The following PRSS33 variants were observed in gnomAD, a reference collection of about 807,000 sequenced individuals.
PRSS33 encodes the protein serine protease 33, also known as protease, serine 33.
A neutral mutation model predicts 26.7 loss-of-function variants in PRSS33; 32 were observed. The ratio of observed to expected loss-of-function variants is 1.20; its 90% CI spans 0.90 to 1.61. PRSS33 has a LOEUF of 1.61. Ranked by LOEUF, PRSS33 falls within the 40% of genes most tolerant of loss-of-function variation. The probability of loss-of-function intolerance (pLI) is 0.00; values close to 1 mark genes in which losing one functional copy is unlikely to be tolerated. For missense variants in PRSS33, 450 were observed against 396.3 expected (o/e 1.14, Z -1.15); for synonymous variants, 192 against 177.6 (o/e 1.08, Z -0.64).
At position 2,785,088 on chromosome 16, in the gene PRSS33, C is replaced by T. The variant is rs369289564; in HGVS notation, c.598G>A (p.Gly200Ser). 4.7e-5 allele frequency: 73 copies of T among 1,560,700 alleles called. No individual in the cohort carries two copies. Among genetic ancestry groups the T allele is most frequent in the African/African-American group, 8.1e-5 (6 of 73,910 alleles). ...SRTCDGLYHV[G>S]ADVPQAERIV... ...CGCTCAGCCTGGGGCACGTCCGCGCCCACGTGGTAGAGGCCGTCGCAGGTG... is the reference window on the plus strand; with the variant it reads ...CGCTCAGCCTGGGGCACGTCCGCGCTCACGTGGTAGAGGCCGTCGCAGGTG... The change falls in exon 6 of 7, where the codon GGC becomes AGC. Residue 200 changes from glycine to serine, a missense_variant. Gly to Ser is a moderately conservative substitution (Grantham distance 56). Coordinates refer to ENST00000682474, the MANE Select transcript of PRSS33 (RefSeq NM_152891.3).
Position 2,785,598 on chromosome 16 carries a change from C to T in PRSS33, c.291G>A (p.Leu97=). 5.9e-6 allele frequency: 9 copies of T among 1,517,376 alleles called. No individual in the cohort carries two copies. Among genetic ancestry groups the T allele is most frequent in the Non-Finnish European group, 7.9e-6 (9 of 1,139,770 alleles). 94.0% of individuals were successfully genotyped at this position (1,517,376 alleles called of 1,614,324 possible). ...AGAGCGTGCGGGGCGAGGTGGAGCC[C>T]AGACGCAGCGCCCCCAGGCGCACGC... ...EYRVRLGALR[L]GSTSPRTLSV... Residue 97 remains leucine (L), a synonymous_variant, in exon 5 of 7, where the codon CTG becomes CTA. Transcript: ENST00000682474.
At position 2,784,405 on chromosome 16, in the gene PRSS33, A is replaced by C; in HGVS notation, c.*239T>G. ...AATACAAGCCAGGAAGGGAGTGGGG[A>C]GTGTGACTCCCTGGGACTCATGGCA... On this transcript the variant is annotated 3_prime_UTR_variant, in exon 7 of 7. Coordinates refer to ENST00000682474, the MANE Select transcript of PRSS33 (RefSeq NM_152891.3). The C allele has an allele frequency of 2.3e-5, 9 of 395,976 alleles. No homozygotes were observed. Among genetic ancestry groups the C allele is most frequent in the African/African-American group, 6.4e-5 (3 of 46,902 alleles). The allele number at this position is 395,976 out of a possible 1,614,324, so 24.5% of individuals were successfully genotyped here.
rs750042020 is a variant in PRSS33, at chr16:2,784,657, C to G, written c.830G>C (p.Arg277Pro). 1 of 1,597,078 alleles carries G rather than the reference C, an allele frequency of 6.3e-7. No individual in the cohort carries two copies. The highest frequency in any genetic ancestry group is 8.5e-7 in the Non-Finnish European group (1 of 1,171,552). Residue 277 changes from arginine to proline, a missense_variant, in exon 7 of 7, where the codon CGC becomes CCC. Arg to Pro is a moderately radical substitution (Grantham distance 103). Transcript: ENST00000682474. ...VATYSPWIQA[R>P]VSF ...CACCGGCTAGCATTAGAAGCTGACG[C>G]GAGCCTGAATCCAGGGGCTATATGT...
intron 1 of PRSS33, chr16:2,786,816 G>A (rs1395932859): frequency 2.0e-5 from 8 of 390,558 alleles, no homozygotes; most frequent in Admixed American, 1.3e-4. Flanking sequence ...CCTTGGTCTC[G>A]ACAGAAGCCC....
chr16:2,784,720 G>A lies in PRSS33; in HGVS notation c.767C>T (p.Ala256Val). 6.2e-7 allele frequency: 1 copy of A among 1,607,006 alleles called. No individual in the cohort carries two copies. The highest frequency in any genetic ancestry group is 1.1e-5 in the South Asian group (1 of 89,712). Reference protein sequence around the residue: ...VGVVSWGKGCALPNRPGVYTS... With the variant: ...VGVVSWGKGCVLPNRPGVYTS... The stretch of plus-strand genomic sequence containing the variant: ...GTAGACCCCTGGACGGTTGGGCAGG[G>A]CACAACCCTTGCCCCAGCTCACCAC... The change falls in exon 7 of 7, where the codon GCC (alanine) becomes GTC (valine). Residue 256 changes from alanine to valine, a missense_variant. Transcript: ENST00000682474.
Position 2,786,485 on chromosome 16 carries a change from T to G in PRSS33, c.46+17A>C. On this transcript the variant is annotated intron_variant, in intron 2 of 6. Coordinates refer to ENST00000682474, the MANE Select transcript of PRSS33 (RefSeq NM_152891.3). ...AGGTGTCTGCGGCCCTCACCCCCAG[T>G]CCCTGTCCCCACTCACCCAGCACCA... 1 of 1,612,448 alleles carries G rather than the reference T, an allele frequency of 6.2e-7. No individual in the cohort carries two copies. Among genetic ancestry groups the G allele is most frequent in the African/African-American group, 1.3e-5 (1 of 74,712 alleles).
upstream of PRSS33, among the ~76,000 whole-genome samples, chr16:2,787,701 T>C (rs1355368197): frequency 6.6e-6 from 1 of 151,508 alleles, no homozygotes; most frequent in African/African-American, 2.4e-5. Flanking sequence ...GCTTCAGAGG[T>C]GGCAGGAAAG....
Position 2,785,668 on chromosome 16 carries a change from C to G in PRSS33, c.243-22G>C, listed in dbSNP as rs774345079. On this transcript the variant is annotated intron_variant, in intron 4 of 6. Coordinates refer to ENST00000682474, the MANE Select transcript of PRSS33 (RefSeq NM_152891.3). ...CCTCCTGCAGGACAGGAGCGGGGGACTACTTCCAGCACCGGGTCCTCGACC... is the reference window on the plus strand; with the variant it reads ...CCTCCTGCAGGACAGGAGCGGGGGAGTACTTCCAGCACCGGGTCCTCGACC... 3.0e-5 allele frequency: 44 copies of G among 1,471,518 alleles called. No individual in the cohort carries two copies. The South Asian group carries it at 5.3e-4, about 18-fold the overall frequency. The allele number at this position is 1,471,518 out of a possible 1,614,324, so 91.2% of individuals were successfully genotyped here. A position where few individuals can be genotyped will look rare whatever the true frequency, so the allele number is the denominator to read the frequency against.
chr16:2,784,648 A>G lies in PRSS33; in HGVS notation c.839T>C (p.Phe280Ser). Residue 280 changes from phenylalanine (F) to serine (S), a missense_variant, in exon 7 of 7, where the codon TTC becomes TCC. Transcript: ENST00000682474. Reference protein sequence around the residue: ...YSPWIQARVSF With the variant: ...YSPWIQARVSS Reference sequence around the variant, plus strand: ...GGTCAGCCTCACCGGCTAGCATTAGAAGCTGACGCGAGCCTGAATCCAGGG... The same window carrying G: ...GGTCAGCCTCACCGGCTAGCATTAGGAGCTGACGCGAGCCTGAATCCAGGG... 1 of 1,591,616 alleles carries G rather than the reference A, an allele frequency of 6.3e-7. No individual in the cohort carries two copies. The highest frequency in any genetic ancestry group is 8.6e-7 in the Non-Finnish European group (1 of 1,168,534).
chr16:2,784,473 C>A lies in PRSS33; in HGVS notation c.*171G>T, dbSNP rs2068849251. On this transcript the variant is annotated 3_prime_UTR_variant, in exon 7 of 7. Transcript: ENST00000682474. ...TGGTGGAGTCAGAGCTGGTGATCCC[C>A]AAAGAGGAGAGGAGGCAGGAGGTGG... The A allele has an allele frequency of 3.6e-6, 2 of 557,574 alleles. No individual in the cohort carries two copies. The highest frequency in any genetic ancestry group is 6.1e-6 in the Non-Finnish European group (2 of 328,336). 34.5% of individuals were successfully genotyped at this position (557,574 alleles called of 1,614,324 possible).
rs773088145 is a variant in PRSS33, at chr16:2,785,406, C to T, written c.483G>A (p.Arg161=). ...GARPPPGTPC[R]VTGWGSLRPG... ...GGCGGAGGCTGCCCCAGCCGGTGAC[C>T]CGGCATGGTGTGCCGGGCGGCGGGC... The change falls in exon 5 of 7, where the codon CGG becomes CGA. Residue 161 remains arginine, a synonymous_variant. Coordinates refer to ENST00000682474, the MANE Select transcript of PRSS33 (RefSeq NM_152891.3). 1 of 1,440,152 alleles carries T rather than the reference C, an allele frequency of 6.9e-7. No homozygotes were observed. The highest frequency in any genetic ancestry group is 9.0e-7 in the Non-Finnish European group (1 of 1,108,198). 89.2% of individuals were successfully genotyped at this position (1,440,152 alleles called of 1,614,324 possible). A position where few individuals can be genotyped will look rare whatever the true frequency, so the allele number is the denominator to read the frequency against.
At position 2,784,769 on chromosome 16, in the gene PRSS33, A is replaced by G. The variant is rs201738474; in HGVS notation, c.718T>C (p.Ser240Pro). Residue 240 changes from serine to proline, a missense_variant, in exon 7 of 7, where the codon TCT becomes CCT. Ser to Pro is a moderately conservative substitution (Grantham distance 74). Transcript: ENST00000682474. ...DSGGPLTCLQ[S>P]GSWVLVGVVS... ...ACGCCCACCAGGACCCAGCTCCCAG[A>G]CTGCAGGCAGGTCAGAGGTCCCCCA... 44 of 1,609,408 alleles carry G rather than the reference A, an allele frequency of 2.7e-5. No individual in the cohort carries two copies. In the Admixed American group the frequency reaches 6.2e-4, roughly 23 times the overall value.
At position 2,784,812 on chromosome 16, in the gene PRSS33, A is replaced by G. The variant is rs777976977; in HGVS notation, c.685-10T>C. Reference sequence around the variant, plus strand: ...GTCCCCCAGAATCACCCTGCAGGAGAAAGAGGAGCCTAAGTCCCAGCCCTC... The same window carrying G: ...GTCCCCCAGAATCACCCTGCAGGAGGAAGAGGAGCCTAAGTCCCAGCCCTC... On this transcript the variant is annotated splice_polypyrimidine_tract_variant and intron_variant, in intron 6 of 6. Coordinates refer to ENST00000682474, the MANE Select transcript of PRSS33 (RefSeq NM_152891.3). 1 of 1,600,342 alleles carries G rather than the reference A, an allele frequency of 6.2e-7. No individual in the cohort carries two copies. The highest frequency in any genetic ancestry group is 1.1e-5 in the South Asian group (1 of 89,076).
Position 2,785,426 on chromosome 16 carries a change from G to GCGGGCGGGCGCCGGGCA in PRSS33, c.446_462dup (p.Pro155CysfsTer35). ...GTGACCCGGCATGGTGTGCCGGGCG[G>GCGGGCGGGCGCCGGGCA]CGGGCGGGCGCCGGGCACGGGCAGG... On this transcript the variant is annotated frameshift_variant, in exon 5 of 7. Coordinates refer to ENST00000682474, the MANE Select transcript of PRSS33 (RefSeq NM_152891.3). LOFTEE classifies it high-confidence loss of function. 6.9e-7 allele frequency: 1 copy of GCGGGCGGGCGCCGGGCA among 1,459,180 alleles called. No individual in the cohort carries two copies. Among genetic ancestry groups the GCGGGCGGGCGCCGGGCA allele is most frequent in the Non-Finnish European group, 9.0e-7 (1 of 1,117,252 alleles). The allele number at this position is 1,459,180 out of a possible 1,614,324, so 90.4% of individuals were successfully genotyped here. A position where few individuals can be genotyped will look rare whatever the true frequency, so the allele number is the denominator to read the frequency against.
intron 1 of PRSS33, among the ~76,000 whole-genome samples, chr16:2,787,032 C>T (rs1285429834): frequency 1.3e-4 from 8 of 61,840 alleles, no homozygotes; most frequent in Non-Finnish European, 2.3e-4. Flanking sequence ...TCCTCACCTC[C>T]TCCTCTATCC....
Position 2,785,430 on chromosome 16 carries a change from G to A in PRSS33, c.459C>T (p.Arg153=), listed in dbSNP as rs2068861766. The change falls in exon 5 of 7, where the codon CGC becomes CGT. Residue 153 remains arginine, a synonymous_variant. Transcript: ENST00000682474. ...CCCGGCATGGTGTGCCGGGCGGCGGGCGGGCGCCGGGCACGGGCAGGCAGA... is the reference window on the plus strand; with the variant it reads ...CCCGGCATGGTGTGCCGGGCGGCGGACGGGCGCCGGGCACGGGCAGGCAGA... The part of the protein sequence containing the change: ...QPVCLPVPGA[R]PPPGTPCRVT... 3 of 1,465,752 alleles carry A rather than the reference G, an allele frequency of 2.0e-6. No individual in the cohort carries two copies. Among genetic ancestry groups the A allele is most frequent in the Non-Finnish European group, 2.7e-6 (3 of 1,119,940 alleles). The allele number at this position is 1,465,752 out of a possible 1,614,324, so 90.8% of individuals were successfully genotyped here.
chr16:2,787,692 C>A (rs2068893904), upstream of PRSS33, among the ~76,000 whole-genome samples: 1 of 151,778 alleles, frequency 6.6e-6, no homozygotes, highest in Non-Finnish European at 1.5e-5. Flanking sequence ...TTGAGCAGAG[C>A]TTCAGAGGTG....
intron 4 of PRSS33, 58 bp from the exon 5 acceptor site, chr16:2,785,704 C>T (rs182677077): frequency 9.5e-6 from 14 of 1,468,788 alleles, no homozygotes; most frequent in South Asian, 2.7e-5. Flanking sequence ...CCCTCCAGCC[C>T]GCCTCGACCC....
chr16:2,785,312 C>T lies in PRSS33; in HGVS notation c.514+63G>A, dbSNP rs1780069222. The T allele has an allele frequency of 8.9e-6, 13 of 1,459,096 alleles. 1 individual carries two copies. In the South Asian group the frequency reaches 1.4e-4, roughly 16 times the overall value. The allele number at this position is 1,459,096 out of a possible 1,614,324, so 90.4% of individuals were successfully genotyped here. A position where few individuals can be genotyped will look rare whatever the true frequency, so the allele number is the denominator to read the frequency against. On this transcript the variant is annotated intron_variant, in intron 5 of 6. Coordinates refer to ENST00000682474, the MANE Select transcript of PRSS33 (RefSeq NM_152891.3). ...TGGGGCAGTGAGGGGCTGGGATTTC[C>T]AGTCAGATGGAGGAGGACGTGGGGG...
Sources: allele counts gnomAD v4.1 joint callset (sites outside exome capture counted in the v4.1 genomes callset), GRCh38; gene constraint gnomAD v4.1.1; transcripts MANE v1.5; gene names NCBI Gene and HGNC (gene_info 2026-07-23, HGNC 2026-07-21).